FAM76A: variants seen among roughly 807,000 people sequenced by gnomAD.
FAM76A encodes protein FAM76A.
In FAM76A, 32 loss-of-function variants were observed where a neutral mutation model predicts 46.2. The observed-to-expected ratio is 0.69, with a 90% CI of 0.52 to 0.93. The LOEUF (loss-of-function observed/expected upper bound fraction) is 0.93, where lower values mean the gene tolerates loss of function less well. Among genes scored for constraint, FAM76A ranks in the 40% least tolerant of loss-of-function variants. FAM76A has a pLI of 0.00. For synonymous variants in FAM76A, 137 were observed against 127.0 expected (o/e 1.08, Z -0.53); for missense variants, 274 against 361.5 (o/e 0.76, Z 1.96).
chr1:27,734,125 A>G lies in FAM76A; in HGVS notation c.296A>G (p.Tyr99Cys), dbSNP rs749944205. The G allele has an allele frequency of 1.9e-6, 3 of 1,612,976 alleles. No individual in the cohort carries two copies. Among genetic ancestry groups the G allele is most frequent in the South Asian group, 1.1e-5 (1 of 90,722 alleles). The change falls in exon 4 of 9, where the codon TAT (tyrosine) becomes TGT (cysteine). Residue 99 changes from tyrosine to cysteine, a missense_variant. Coordinates refer to ENST00000373954, the MANE Select transcript of FAM76A (RefSeq NM_152660.3). ...TCAGAAAAGAAGTATGGACCACCCT[A>G]TTCTTGTGAACAGTGCAAGCAGCAG... is the stretch of plus-strand genomic sequence containing the variant. ...TNSEKKYGPP[Y>C]SCEQCKQQCA... is the part of the protein sequence containing the mutation.
intron 4 of FAM76A, among the ~76,000 whole-genome samples, chr1:27,741,027 G>A (rs6657242): frequency 0.17 from 26,068 of 151,452 alleles, 5,942 homozygotes; most frequent in African/African-American, 0.52. Flanking sequence ...AGCTACTCGT[G>A]AGGCTGAGGC....
intron 6 of FAM76A, 141 bp from the exon 7 acceptor site, chr1:27,755,054 C>T (rs1178152185): frequency 5.6e-6 from 5 of 893,692 alleles, no homozygotes; most frequent in South Asian, 3.3e-5. Flanking sequence ...CCGTTGAGCC[C>T]AGCATGTGTG....
intron 7 of FAM76A, among the ~76,000 whole-genome samples, chr1:27,756,513 ACTC>A (rs2088411778): frequency 6.6e-6 from 1 of 150,624 alleles, no homozygotes; most frequent in African/African-American, 2.4e-5. Context: ...CTGGTCTCGA[ACTC>A]CTCATCTGAA....
intron 7 of FAM76A, among the ~76,000 whole-genome samples, chr1:27,757,832 C>G (rs868640022): frequency 1.3e-5 from 2 of 152,096 alleles, no homozygotes; most frequent in Admixed American, 1.3e-4. Context: ...AAAAAATTAG[C>G]TGGGCGTGGT....
chr1:27,752,017 TC>T (rs1323265079), intron 6 of FAM76A, among the ~76,000 whole-genome samples: 12 of 152,158 alleles, frequency 7.9e-5, no homozygotes. Context: ...CAAGTGATCC[TC>T]CTGCTTTGGC....
At position 27,760,515 on chromosome 1, in the gene FAM76A, GA is replaced by G; in HGVS notation, c.860del (p.Lys287SerfsTer18). The G allele has an allele frequency of 6.2e-7, 1 of 1,611,694 alleles. No individual in the cohort carries two copies. Among genetic ancestry groups the G allele is most frequent in the Non-Finnish European group, 8.5e-7 (1 of 1,178,526 alleles). Reference protein sequence around the residue: ...QLQAKNRELLKQAAALSKSKK... With the variant: ...QLQAKNRELLXQAAALSKSKK... ...TTTAGGCCAAAAACCGAGAGCTCCT[GA>G]AGCAGGCAGCTGCTTTGTCCAAGAG... On this transcript the variant is annotated frameshift_variant, in exon 9 of 9. Coordinates refer to ENST00000373954, the MANE Select transcript of FAM76A (RefSeq NM_152660.3). LOFTEE classifies it high-confidence loss of function.
intron 4 of FAM76A, among the ~76,000 whole-genome samples, chr1:27,742,915 T>C (rs1029270840): frequency 5.3e-5 from 8 of 151,764 alleles, no homozygotes; most frequent in Admixed American, 6.6e-5. Context: ...AAAAAAAAAT[T>C]AGCTGGGTGT....
chr1:27,758,752 C>T (rs947556687), intron 7 of FAM76A, among the ~76,000 whole-genome samples: 4 of 147,818 alleles, frequency 2.7e-5, no homozygotes, highest in Non-Finnish European at 1.5e-5. Context: ...CTCCTGAGCT[C>T]AAGTATTCCG....
At chr1:27,757,230 C>G (rs898675723) in intron 7 of FAM76A, among the ~76,000 whole-genome samples, 4 of 102,322 alleles carry the variant, frequency 3.9e-5, no homozygotes, top group Non-Finnish European at 7.1e-5. Flanking sequence ...GAGTCTTGCT[C>G]TGTCACCCAG....
chr1:27,743,977 A>G (rs1054623585), intron 4 of FAM76A, among the ~76,000 whole-genome samples: 3 of 151,988 alleles, frequency 2.0e-5, no homozygotes, highest in Non-Finnish European at 2.9e-5. Context: ...TGTGAATTTT[A>G]TAATTCATCT....
At chr1:27,729,501 C>T (rs1333447973) in intron 2 of FAM76A, among the ~76,000 whole-genome samples, 1 of 151,312 alleles carries the variant, frequency 6.6e-6, no homozygotes, top group Non-Finnish European at 1.5e-5. Flanking sequence ...TGACCGACCA[C>T]ACCCAGCCTA....
At chr1:27,751,331 T>A (rs2088328472) in intron 6 of FAM76A, among the ~76,000 whole-genome samples, 1 of 152,248 alleles carries the variant, frequency 6.6e-6, no homozygotes, top group African/African-American at 2.4e-5. Context: ...GCATTTCTTT[T>A]TTTTAAATGT....
chr1:27,730,181 C>CTT (rs5773200), intron 2 of FAM76A: 106 of 200,318 alleles, frequency 5.3e-4, no homozygotes, highest in South Asian at 2.2e-3. Context: ...TTTTTCTTTT[C>CTT]TTTTTTTTTT....
intron 5 of FAM76A, among the ~76,000 whole-genome samples, chr1:27,747,980 A>C (rs369973957): frequency 9.9e-5 from 15 of 152,132 alleles, no homozygotes; most frequent in African/African-American, 3.4e-4. Flanking sequence ...CCTGGTTTCT[A>C]GTCCCAGCTT....
intron 2 of FAM76A, 119 bp from the exon 3 acceptor site, chr1:27,732,484 C>T (rs1013433345): frequency 1.5e-6 from 1 of 652,046 alleles, no homozygotes; most frequent in African/African-American, 1.8e-5. Flanking sequence ...CTAGTGTTAA[C>T]CAAGCATCCA....
At chr1:27,753,152 A>G (rs2088357627) in intron 6 of FAM76A, among the ~76,000 whole-genome samples, 1 of 152,148 alleles carries the variant, frequency 6.6e-6, no homozygotes, top group Non-Finnish European at 1.5e-5. Context: ...ACTCCAGCCT[A>G]GGCAACAAGA....
intron 7 of FAM76A, among the ~76,000 whole-genome samples, chr1:27,759,027 T>C (rs1394829181): frequency 6.6e-6 from 1 of 152,092 alleles, no homozygotes; most frequent in East Asian, 1.9e-4. Flanking sequence ...CTATTGTTAA[T>C]ACATCTCAAA....
Position 27,739,878 on chromosome 1 carries a change from G to A in FAM76A, c.355-4776G>A, listed in dbSNP as rs1462540319. The A allele has an allele frequency of 2.1e-5, 4 of 190,490 alleles. No individual in the cohort carries two copies. The East Asian group carries it at 4.7e-4, about 22-fold the overall frequency. 11.8% of individuals were successfully genotyped at this position (190,490 alleles called of 1,614,324 possible). A position where few individuals can be genotyped will look rare whatever the true frequency, so the allele number is the denominator to read the frequency against. On this transcript the variant is annotated intron_variant, in intron 4 of 8. Transcript: ENST00000373954. Reference sequence around the variant, plus strand: ...CTATGGTACAGAGTTTGAATTTTAAGCTATGATGAGAAACCATTGGGTTTT... The same window carrying A: ...CTATGGTACAGAGTTTGAATTTTAAACTATGATGAGAAACCATTGGGTTTT...
At chr1:27,748,736 C>A (rs1335631732) in intron 5 of FAM76A, among the ~76,000 whole-genome samples, 2 of 152,076 alleles carry the variant, frequency 1.3e-5, no homozygotes, top group Non-Finnish European at 2.9e-5. Flanking sequence ...CTGCCTCAGC[C>A]TCCCAAAGTG....
Sources: allele counts gnomAD v4.1 joint callset (sites outside exome capture counted in the v4.1 genomes callset), GRCh38; gene constraint gnomAD v4.1.1; transcripts MANE v1.5; gene names NCBI Gene and HGNC (gene_info 2026-07-23, HGNC 2026-07-21).